The following COX7A2L variants were observed in gnomAD, a reference collection of about 807,000 sequenced individuals.
COX7A2L encodes the protein cytochrome c oxidase subunit 7A2 like, also known as cytochrome c oxidase subunit 7A2-like, mitochondrial.
COX7A2L carries 18 observed loss-of-function variants against 14.2 expected under a neutral mutation model. That is an observed-to-expected ratio of 1.27 (90% confidence interval 0.88 to 1.88). The LOEUF is 1.88. Among genes scored for constraint, COX7A2L ranks in the 40% most tolerant of loss-of-function variants. COX7A2L has a pLI of 0.00. For synonymous variants in COX7A2L, 65 were observed against 57.4 expected, an observed-to-expected ratio of 1.13 and a Z score of -0.60; for missense variants, 179 against 138.8, an observed-to-expected ratio of 1.29 and a Z score of -1.46.
chr2:42,353,411 G>C, intron 1 of COX7A2L, 68 bp from the exon 2 acceptor site: 1 of 1,576,724 alleles, frequency 6.3e-7, no homozygotes, highest in Non-Finnish European at 8.6e-7. Context: ...AATAGTGGAG[G>C]CAGCCATTCA....
intron 1 of COX7A2L, 45 bp from the exon 2 acceptor site, chr2:42,353,388 G>A: frequency 6.2e-7 from 1 of 1,608,950 alleles, no homozygotes; most frequent in East Asian, 2.2e-5. Flanking sequence ...GTATGTCTGA[G>A]GAGGCTGTCT....
chr2:42,335,628 TGAA>T (rs1406555445), intron 2 of COX7A2L, among the ~76,000 whole-genome samples: 4 of 152,242 alleles, frequency 2.6e-5, no homozygotes, highest in Non-Finnish European at 4.4e-5. Context: ...ATTTCACAGA[TGAA>T]GAAACTTGAG....
At chr2:42,345,670 C>G (rs1231962485), downstream of COX7A2L, among the ~76,000 whole-genome samples, 3 of 152,168 alleles carry the variant, frequency 2.0e-5, no homozygotes, top group Non-Finnish European at 2.9e-5. Context: ...CAGGTGTGCT[C>G]TGCAGCAGCT....
chr2:42,344,850 C>CAAAAAAA (rs761952104), downstream of COX7A2L, among the ~76,000 whole-genome samples: 2 of 106,126 alleles, frequency 1.9e-5, no homozygotes, highest in Non-Finnish European at 4.0e-5. Flanking sequence ...GACTCCGCCT[C>CAAAAAAA]AAAAAAAAAA....
downstream of COX7A2L, among the ~76,000 whole-genome samples, chr2:42,346,400 C>T (rs764233147): frequency 3.8e-4 from 58 of 152,130 alleles, no homozygotes; most frequent in Non-Finnish European, 2.4e-4. Flanking sequence ...CTGGAGCTTG[C>T]AATCAGAAGA....
chr2:42,354,657 G>C lies in COX7A2L; in HGVS notation c.73-1314C>G, dbSNP rs1420821036. ...TAGATGAACAGGTCAATAAAAAGAAGCATTAAAGTAAACTTGGCTTCTATT... is the reference window on the plus strand; with the variant it reads ...TAGATGAACAGGTCAATAAAAAGAACCATTAAAGTAAACTTGGCTTCTATT... On this transcript the variant is annotated intron_variant, in intron 1 of 2. Transcript: ENST00000234301. Among the ~76,000 whole-genome samples the C allele has an allele frequency of 2.6e-5, 4 of 152,146 alleles. No homozygotes were observed. In the South Asian group the frequency reaches 8.3e-4, roughly 31 times the overall value.
intron 2 of COX7A2L, 62 bp from the exon 3 acceptor site, chr2:42,351,421 T>TA: frequency 6.3e-7 from 1 of 1,586,160 alleles, no homozygotes. Context: ...ATTTTACTCT[T>TA]AAAAAATAAC....
At chr2:42,337,525 G>A (rs1319618481) in intron 2 of COX7A2L, among the ~76,000 whole-genome samples, 4 of 131,644 alleles carry the variant, frequency 3.0e-5, no homozygotes, top group Non-Finnish European at 5.1e-5. Context: ...CGATGAGTAG[G>A]ATGGCGGCCA....
At chr2:42,346,850 A>G (rs1489980903), downstream of COX7A2L, among the ~76,000 whole-genome samples, 2 of 151,986 alleles carry the variant, frequency 1.3e-5, no homozygotes, top group Non-Finnish European at 2.9e-5. Flanking sequence ...AAGTTAAATT[A>G]TATTTCCTTT....
At chr2:42,355,156 A>G (rs980278177) in intron 1 of COX7A2L, among the ~76,000 whole-genome samples, 1 of 152,244 alleles carries the variant, frequency 6.6e-6, no homozygotes, top group African/African-American at 2.4e-5. Context: ...GGTCAGTAAG[A>G]TGTTGGCCTA....
rs1671019446 is a variant in COX7A2L at position 42,361,082 on chromosome 2, AC to A, written c.72+7del. ...CTCATGTCCGAGCTGGCCAGGCGCC[AC>A]TCGTACCTGCGGGCTATAGGCCTCC... On this transcript the variant is annotated splice_region_variant and intron_variant, in intron 1 of 2. Coordinates refer to ENST00000234301, the MANE Select transcript of COX7A2L (RefSeq NM_004718.4). The A allele has an allele frequency of 6.2e-7, 1 of 1,612,886 alleles. No individual in the cohort carries two copies.
rs1489604171 is a variant in COX7A2L at position 42,342,979 on chromosome 2, G to A, written c.193-9110C>T. 2.0e-5 allele frequency among the ~76,000 whole-genome samples: 3 copies of A among 152,178 alleles called. No homozygotes were observed. In the East Asian group the frequency reaches 5.8e-4, roughly 29 times the overall value. ...CTGATTCCAGCTTATGCAAGTGACA[G>A]TGGCTGATGGCAGAGGAGACTGCAA... is the stretch of plus-strand genomic sequence containing the variant. On this transcript the variant is annotated intron_variant, in intron 2 of 2. Transcript: ENST00000468711. The surrounding 1 kb of genome is among the most constrained non-coding windows in gnomAD (Gnocchi z 4.9).
chr2:42,354,449 A>G (rs1397226274), intron 1 of COX7A2L, among the ~76,000 whole-genome samples: 2 of 152,228 alleles, frequency 1.3e-5, no homozygotes, highest in Non-Finnish European at 2.9e-5. Context: ...ATTTAAAGTC[A>G]GAAAGCATAA....
At chr2:42,335,669 C>G (rs191523745) in intron 2 of COX7A2L, among the ~76,000 whole-genome samples, 19 of 152,332 alleles carry the variant, frequency 1.2e-4, no homozygotes, top group Admixed American at 9.1e-4. Flanking sequence ...GGCTGAGTTA[C>G]GAGTTGAAGC....
At chr2:42,341,531 C>G (rs1572783937) in intron 2 of COX7A2L, among the ~76,000 whole-genome samples, 1 of 152,178 alleles carries the variant, frequency 6.6e-6, no homozygotes. Context: ...AGTGCTCCCC[C>G]AGCCCTCCTG....
chr2:42,340,614 C>T (rs1158716896), intron 2 of COX7A2L, among the ~76,000 whole-genome samples: 1 of 152,102 alleles, frequency 6.6e-6, no homozygotes, highest in Non-Finnish European at 1.5e-5. Context: ...TCCCCGACCC[C>T]CCAGGCGCAC....
At chr2:42,360,942 G>C in intron 1 of COX7A2L, 148 bp downstream of exon 1, 1 of 772,124 alleles carries the variant, frequency 1.3e-6, no homozygotes, top group Non-Finnish European at 2.2e-6. Context: ...CCGTACGCTG[G>C]TGTGGAGAGG....
At chr2:42,357,044 C>T (rs1020593900) in intron 1 of COX7A2L, among the ~76,000 whole-genome samples, 2 of 152,194 alleles carry the variant, frequency 1.3e-5, no homozygotes, top group South Asian at 4.1e-4. Flanking sequence ...AGCCATTCAA[C>T]CTTAACCACG....
At chr2:42,363,286 C>T (rs1482842679), upstream of COX7A2L, among the ~76,000 whole-genome samples, 1 of 152,016 alleles carries the variant, frequency 6.6e-6, no homozygotes, top group African/African-American at 2.4e-5. Flanking sequence ...GAGTCCCAGG[C>T]GCTAGCAAAT....
Sources: gnomAD v4.1 joint callset for allele counts (sites outside exome capture counted in the v4.1 genomes callset) on GRCh38, gnomAD v4.1.1 for gene constraint, Gnocchi (gnomAD v3.1) non-coding constraint, MANE v1.5 for transcripts, NCBI Gene and HGNC (gene_info 2026-07-23, HGNC 2026-07-21) for gene names.